Variants in ADD1 observed in about 807,000 individuals in gnomAD.
The protein encoded by ADD1 is adducin 1.
ADD1 carries 24 observed loss-of-function variants against 80.5 expected under a neutral mutation model. That is an observed-to-expected ratio of 0.30 (90% CI 0.22 to 0.42). The LOEUF is 0.42. ADD1 is among the 10% of genes least tolerant of loss of function. The pLI is 1.00. For missense variants in ADD1, 948 were observed against 1,019.0 expected, an observed-to-expected ratio of 0.93 and a Z score of 0.95; for synonymous variants, 373 against 393.8, an observed-to-expected ratio of 0.95 and a Z score of 0.63.
intron 9 of ADD1, chr4:2,900,283 A>T (rs926209310): frequency 1.3e-5 from 2 of 152,512 alleles, no homozygotes; most frequent in African/African-American, 4.8e-5. Context: ...TTAGAGCTGT[A>T]TTAGAACACT....
chr4:2,848,212 C>CA (rs1318761193), intron 1 of ADD1, among the ~76,000 whole-genome samples: 10,217 of 97,458 alleles, frequency 0.1, 577 homozygotes, highest in African/African-American at 0.22. Context: ...GACTCCGTCT[C>CA]AAAAAAAAAA....
At chr4:2,863,219 ATTTTTTTT>A (rs34312305) in intron 1 of ADD1, among the ~76,000 whole-genome samples, 1 of 123,764 alleles carries the variant, frequency 8.1e-6, no homozygotes, top group African/African-American at 3.0e-5. Context: ...CTAATTTTTA[ATTTTTTTT>A]TTTTTTTTTT....
chr4:2,929,891 C>G lies in ADD1; in HGVS notation c.*1368C>G, dbSNP rs1374861715. ...TAACCGTGGACTCTTCCTTTATCCC[C>G]TCCTTTACCCCACATATGCAATGAC... On this transcript the variant is annotated 3_prime_UTR_variant, in exon 16 of 16. Coordinates refer to ENST00000683351, the MANE Select transcript of ADD1 (RefSeq NM_001354761.2). 1 of 152,692 alleles carries G rather than the reference C, an allele frequency of 6.5e-6. No homozygotes were observed. Among genetic ancestry groups the G allele is most frequent in the African/African-American group, 2.4e-5 (1 of 41,470 alleles). 9.5% of individuals were successfully genotyped at this position (152,692 alleles called of 1,614,324 possible).
At chr4:2,899,552 C>A in intron 9 of ADD1, 117 bp downstream of exon 9, 1 of 1,138,554 alleles carries the variant, frequency 8.8e-7, no homozygotes, top group Non-Finnish European at 1.3e-6. Flanking sequence ...CCTTCACCTT[C>A]AAAGTCATGA....
intron 12 of ADD1, 172 bp downstream of exon 12, chr4:2,908,776 C>T (rs772486216): frequency 1.6e-6 from 1 of 628,642 alleles, no homozygotes. Context: ...TCGTTGAGTT[C>T]TAGAAGGAGC....
intron 14 of ADD1, among the ~76,000 whole-genome samples, chr4:2,924,247 G>A (rs1017980784): frequency 2.6e-5 from 4 of 152,186 alleles, no homozygotes; most frequent in Non-Finnish European, 4.4e-5. Flanking sequence ...TCAAATGTCA[G>A]GCTTTGAAAA....
At chr4:2,911,810 G>A (rs73794823) in intron 13 of ADD1, among the ~76,000 whole-genome samples, 3,690 of 152,158 alleles carry the variant, frequency 0.024, 161 homozygotes, top group African/African-American at 0.083. Flanking sequence ...TGAAATGAAG[G>A]ATTAGAGATG....
chr4:2,847,506 T>G (rs1270003688), intron 1 of ADD1, among the ~76,000 whole-genome samples: 1 of 152,206 alleles, frequency 6.6e-6, no homozygotes, highest in African/African-American at 2.4e-5. Context: ...TTGGTTCTAC[T>G]TGCTCACTGT....
Position 2,926,610 on chromosome 4 carries a change from C to CT in ADD1, c.2047+504dup, listed in dbSNP as rs1476258037. 26 of 1,612,638 alleles carry CT rather than the reference C, an allele frequency of 1.6e-5. No homozygotes were observed. The highest frequency in any genetic ancestry group is 2.2e-5 in the Non-Finnish European group (26 of 1,179,288). On this transcript the variant is annotated intron_variant, in intron 15 of 15. Coordinates refer to ENST00000683351, the MANE Select transcript of ADD1 (RefSeq NM_001354761.2). This position sits in a 1 kb window ranked among gnomAD's most constrained non-coding sequence, Gnocchi z 5.0. Reference sequence around the variant, plus strand: ...TGAATGCATAGATTCTCTCCTTGTGCTTTTTTCTCCCTGTGGCTGCGTCAC... The same window carrying CT: ...TGAATGCATAGATTCTCTCCTTGTGCTTTTTTTCTCCCTGTGGCTGCGTCAC...
intron 1 of ADD1, among the ~76,000 whole-genome samples, chr4:2,848,515 C>T (rs982716790): frequency 1.3e-5 from 2 of 152,026 alleles, no homozygotes; most frequent in African/African-American, 2.4e-5. Context: ...GTCACCTAGG[C>T]GGGAATATAG....
chr4:2,917,862 G>T (rs553703393), intron 14 of ADD1, among the ~76,000 whole-genome samples: 1 of 152,282 alleles, frequency 6.6e-6, no homozygotes, highest in Non-Finnish European at 1.5e-5. Flanking sequence ...TGAGGCCTCT[G>T]TTCTGTTCCG....
Position 2,928,401 on chromosome 4 carries a change from G to C in ADD1, c.2278G>C (p.Glu760Gln), listed in dbSNP as rs777989335. The change falls in exon 16 of 16, where the codon GAG becomes CAG. Residue 760 changes from glutamate to glutamine, a missense_variant. Transcript: ENST00000683351. ...TGAAGAGGCTGCCCCCTCAGCTGTC[G>C]AGGAGGGGGCCGCCGCGGACCCTGG... ...VAEEAAPSAVEEGAAADPGSD... is the reference protein window; with the variant it reads ...VAEEAAPSAVQEGAAADPGSD... 6.2e-7 allele frequency: 1 copy of C among 1,613,180 alleles called. No homozygotes were observed. The highest frequency in any genetic ancestry group is 8.5e-7 in the Non-Finnish European group (1 of 1,179,900).
chr4:2,869,572 C>G (rs892652563), intron 1 of ADD1, among the ~76,000 whole-genome samples: 2 of 152,134 alleles, frequency 1.3e-5, no homozygotes, highest in African/African-American at 4.8e-5. Flanking sequence ...GGAGTGGACA[C>G]AGTCCAACTC....
At chr4:2,860,239 G>A (rs1728655534) in intron 1 of ADD1, among the ~76,000 whole-genome samples, 1 of 152,068 alleles carries the variant, frequency 6.6e-6, no homozygotes, top group Non-Finnish European at 1.5e-5. Context: ...TCTCCAAATC[G>A]AGTCATCTAG....
intron 1 of ADD1, among the ~76,000 whole-genome samples, chr4:2,873,521 C>G (rs906754196): frequency 6.6e-6 from 1 of 152,202 alleles, no homozygotes; most frequent in Non-Finnish European, 1.5e-5. Flanking sequence ...TTATCCCATT[C>G]ACACAGCAAT....
intron 9 of ADD1, chr4:2,900,220 G>A (rs576021721): frequency 6.5e-6 from 1 of 152,862 alleles, no homozygotes; most frequent in South Asian, 2.1e-4. Flanking sequence ...GCAACGTACG[G>A]TGCACCTTTC....
chr4:2,878,201 A>G (rs1731668229), intron 2 of ADD1, among the ~76,000 whole-genome samples: 1 of 152,222 alleles, frequency 6.6e-6, no homozygotes, highest in Non-Finnish European at 1.5e-5. Flanking sequence ...GGCTGCAGAC[A>G]GGGAAAGGAC....
chr4:2,862,261 T>G (rs746900419), intron 1 of ADD1, among the ~76,000 whole-genome samples: 1 of 152,206 alleles, frequency 6.6e-6, no homozygotes, highest in African/African-American at 2.4e-5. Context: ...GTAAAGTGAA[T>G]GCGCTCAGAA....
intron 4 of ADD1, among the ~76,000 whole-genome samples, chr4:2,890,066 G>A (rs557240813): frequency 4.3e-4 from 65 of 151,014 alleles, no homozygotes; most frequent in Admixed American, 1.5e-3. Flanking sequence ...GCGTGGTGGC[G>A]CGCACCTGTA....
Sources: allele counts gnomAD v4.1 joint callset (sites outside exome capture counted in the v4.1 genomes callset), GRCh38; gene constraint gnomAD v4.1.1; non-coding constraint Gnocchi (gnomAD v3.1); transcripts MANE v1.5; gene names NCBI Gene and HGNC (gene_info 2026-07-23, HGNC 2026-07-21).